The following PSMD6 variants were observed in gnomAD, a reference collection of about 807,000 sequenced individuals.
PSMD6 encodes the protein 26S proteasome non-ATPase regulatory subunit 6.
PSMD6 carries 7 observed loss-of-function variants against 44.9 expected under a neutral mutation model. The observed-to-expected ratio is 0.16, with a 90% CI of 0.09 to 0.29. PSMD6 has a LOEUF of 0.29. Ranked by LOEUF, PSMD6 falls within the 10% of genes least tolerant of loss-of-function variation. PSMD6 has a pLI of 1.00. For synonymous variants in PSMD6, 184 were observed against 172.7 expected (o/e 1.07, Z -0.51); for missense variants, 420 against 482.6 (o/e 0.87, Z 1.21).
intron 1 of PSMD6, 182 bp from the exon 2 acceptor site, chr3:64,022,705 G>A (rs760141489): frequency 3.3e-6 from 5 of 1,537,060 alleles, no homozygotes; most frequent in South Asian, 1.2e-5. Flanking sequence ...GCTGGTGGGA[G>A]GTTTGCGTGA....
At position 64,018,692 on chromosome 3, in the gene PSMD6, C is replaced by G. The variant is rs1367078952; in HGVS notation, c.733G>C (p.Glu245Gln). 6.2e-7 allele frequency: 1 copy of G among 1,600,210 alleles called. No homozygotes were observed. Among genetic ancestry groups the G allele is most frequent in the Non-Finnish European group, 8.6e-7 (1 of 1,168,162 alleles). The change falls in exon 5 of 8, where the codon GAG becomes CAG. Residue 245 changes from glutamate to glutamine, a missense_variant. Around this residue, in one of 4 missense-constraint regions of PSMD6, gnomAD observed 216 missense variants for 227.0 expected, o/e 0.95. Transcript: ENST00000295901. ...AGACTGTGCAACACTTCAAGAATCTCTGCTCCTTTAATGACCTAGGTATTT... is the reference window on the plus strand; with the variant it reads ...AGACTGTGCAACACTTCAAGAATCTGTGCTCCTTTAATGACCTAGGTATTT... ...DLREKVIKGA[E>Q]ILEVLHSLPA...
intron 6 of PSMD6, chr3:64,011,201 C>G (rs1175903923): frequency 1.5e-5 from 5 of 338,364 alleles, no homozygotes; most frequent in Non-Finnish European, 2.7e-5. Flanking sequence ...ACAATGAAAC[C>G]ATATGTACTC....
In PSMD6 at chr3:64,023,438, G is replaced by C. The variant is rs370801815; in HGVS notation, c.-19C>G. On this transcript the variant is annotated 5_prime_UTR_variant, in exon 1 of 8. Coordinates refer to ENST00000295901, the MANE Select transcript of PSMD6 (RefSeq NM_014814.3). ...GCGGCATCGCGGCGAAGGGGACAGC[G>C]GCTGACAGGACACAACTTGGTTACG... 1.9e-6 allele frequency: 3 copies of C among 1,584,646 alleles called. No individual in the cohort carries two copies. Among genetic ancestry groups the C allele is most frequent in the South Asian group, 1.1e-5 (1 of 89,220 alleles).
chr3:64,011,867 T>C (rs1008953637), intron 6 of PSMD6: 1 of 152,436 alleles, frequency 6.6e-6, no homozygotes, highest in African/African-American at 2.4e-5. Flanking sequence ...CAAGCCGTTT[T>C]TCTCATGCAC....
chr3:64,014,811 A>G (rs1271030438), intron 5 of PSMD6: 2 of 152,316 alleles, frequency 1.3e-5, no homozygotes, highest in Non-Finnish European at 2.9e-5. Context: ...CTGGTGCTCC[A>G]GTTTGGGGCT....
At position 64,022,348 on chromosome 3, in the gene PSMD6, C is replaced by G. The variant is rs745416829; in HGVS notation, c.321G>C (p.Lys107Asn). The change falls in exon 2 of 8, where the codon AAG (lysine) becomes AAC (asparagine). Residue 107 changes from lysine to asparagine, a missense_variant. Coordinates refer to ENST00000295901, the MANE Select transcript of PSMD6 (RefSeq NM_014814.3). The stretch of plus-strand genomic sequence containing the variant: ...CACCTATCCGGCAGAGGTACTCGGC[C>G]TTTGCCATCATTGCATCGCGAATTT... ...ESEIRDAMMAKAEYLCRIGDK... is the reference protein window; with the variant it reads ...ESEIRDAMMANAEYLCRIGDK... 2 of 1,614,240 alleles carry G rather than the reference C, an allele frequency of 1.2e-6. No homozygotes were observed. Among genetic ancestry groups the G allele is most frequent in the South Asian group, 2.2e-5 (2 of 91,088 alleles).
Position 64,018,726 on chromosome 3 carries a change from A to G in PSMD6, c.718-19T>C. 1 of 1,523,410 alleles carries G rather than the reference A, an allele frequency of 6.6e-7. No individual in the cohort carries two copies. Among genetic ancestry groups the G allele is most frequent in the Non-Finnish European group, 8.9e-7 (1 of 1,117,958 alleles). The allele number at this position is 1,523,410 out of a possible 1,614,324, so 94.4% of individuals were successfully genotyped here. Reference sequence around the variant, plus strand: ...TAATGACCTAGGTATTTTAAAAAACATATATACAAAAAAAATGTACATTTT... The same window carrying G: ...TAATGACCTAGGTATTTTAAAAAACGTATATACAAAAAAAATGTACATTTT... On this transcript the variant is annotated intron_variant, in intron 4 of 7. Transcript: ENST00000295901.
At position 64,018,960 on chromosome 3, in the gene PSMD6, C is replaced by T; in HGVS notation, c.575G>A (p.Arg192His). The T allele has an allele frequency of 2.5e-6, 4 of 1,612,282 alleles. No individual in the cohort carries two copies. The highest frequency in any genetic ancestry group is 3.4e-6 in the Non-Finnish European group (4 of 1,178,394). Residue 192 changes from arginine to histidine, a missense_variant, in exon 4 of 8, where the codon CGT (arginine) becomes CAT (histidine). Coordinates refer to ENST00000295901, the MANE Select transcript of PSMD6 (RefSeq NM_014814.3). ...VYQGLYCVAI[R>H]DFKQAAELFL... ...GAGTTCAGCTGCCTGTTTGAAATCA[C>T]GAATAGCCACACAATAAAGACCCTG...
At chr3:64,016,943 T>C (rs969683374) in intron 5 of PSMD6, 2 of 152,202 alleles carry the variant, frequency 1.3e-5, no homozygotes, top group African/African-American at 4.8e-5. Flanking sequence ...AAATGTAGTA[T>C]ATACATACAA....
intron 2 of PSMD6, among the ~76,000 whole-genome samples, chr3:64,020,373 G>T (rs1237591166): frequency 1.3e-5 from 2 of 152,070 alleles, no homozygotes; most frequent in Non-Finnish European, 2.9e-5. Flanking sequence ...CGTTTTGGAA[G>T]AGTATTTAAT....
chr3:64,014,287 T>C (rs1462744714), intron 5 of PSMD6: 1 of 152,178 alleles, frequency 6.6e-6, no homozygotes, highest in African/African-American at 2.4e-5. Flanking sequence ...TGTATATCAC[T>C]ACTCTAGATA....
At chr3:64,016,467 A>AG (rs1161570869) in intron 5 of PSMD6, 1 of 152,148 alleles carries the variant, frequency 6.6e-6, no homozygotes, top group African/African-American at 2.4e-5. Context: ...TAAAAAAAAA[A>AG]AAGCATAAGT....
At chr3:64,020,808 G>A (rs1183775619) in intron 2 of PSMD6, among the ~76,000 whole-genome samples, 1 of 152,170 alleles carries the variant, frequency 6.6e-6, no homozygotes, top group African/African-American at 2.4e-5. Context: ...AATTACCGAG[G>A]TTGAAAACAG....
chr3:64,022,844 CA>C, intron 1 of PSMD6: 1 of 1,533,074 alleles, frequency 6.5e-7, no homozygotes, highest in South Asian at 1.2e-5. Flanking sequence ...TACTCACATA[CA>C]TATGTTCAAA....
upstream of PSMD6, chr3:64,023,902 G>A: frequency 1.5e-6 from 2 of 1,350,762 alleles, no homozygotes; most frequent in Non-Finnish European, 2.0e-6. Context: ...AGACAAATGA[G>A]GCACAAAGAG....
chr3:64,019,610 TTTA>T, intron 2 of PSMD6, 169 bp from the exon 3 acceptor site: 2 of 577,374 alleles, frequency 3.5e-6, no homozygotes, highest in South Asian at 6.7e-5. Flanking sequence ...TACACAAGGG[TTTA>T]TTATTCTACT....
intron 6 of PSMD6, 50 bp from the exon 7 acceptor site, chr3:64,011,005 G>GTATTTTAATGCCGTTTGC: frequency 1.4e-6 from 2 of 1,436,922 alleles, no homozygotes. Context: ...AAAATTCTTA[G>GTATTTTAATGCCGTTTGC]AAAAATGCAA....
At chr3:64,011,194 A>G (rs913785536) in intron 6 of PSMD6, 1 of 364,852 alleles carries the variant, frequency 2.7e-6, no homozygotes, top group Non-Finnish European at 4.9e-6. Context: ...AGATCAAACA[A>G]TGAAACCATA....
rs2075981186 is a variant in PSMD6 at position 64,012,787 on chromosome 3, G to A, written c.995+652C>T. 3 of 152,198 alleles carry A rather than the reference G, an allele frequency of 2.0e-5. No individual in the cohort carries two copies. The South Asian group carries it at 6.2e-4, about 32-fold the overall frequency. The allele number at this position is 152,198 out of a possible 1,614,324, so 9.4% of individuals were successfully genotyped here. ...GACTCCTCTCAATTCAAATCTCAGA[G>A]CAAACCTCACCTCCTTAAGCATGCC... On this transcript the variant is annotated intron_variant, in intron 6 of 7. Transcript: ENST00000295901.
Sources: gnomAD v4.1 joint callset for allele counts (sites outside exome capture counted in the v4.1 genomes callset) on GRCh38, gnomAD v4.1.1 for gene constraint, gnomAD v4.1.1 regional missense constraint, MANE v1.5 for transcripts, NCBI Gene and HGNC (gene_info 2026-07-23, HGNC 2026-07-21) for gene names.